The following KIF6 variants were observed in gnomAD, a reference collection of about 807,000 sequenced individuals.
KIF6 encodes kinesin-like protein KIF6.
In KIF6, 106 loss-of-function variants were observed where a neutral mutation model predicts 112.7. The observed-to-expected ratio is 0.94, with a 90% CI of 0.80 to 1.11. The LOEUF (loss-of-function observed/expected upper bound fraction) is 1.11, where lower values mean the gene tolerates loss of function less well. Among genes scored for constraint, KIF6 ranks in the 50% least tolerant of loss-of-function variants. The pLI, the probability that KIF6 is intolerant of heterozygous loss-of-function variation, is 0.00. For missense variants in KIF6, 929 were observed against 964.0 expected (o/e 0.96, Z 0.48); for synonymous variants, 339 against 339.9 (o/e 1.00, Z 0.03).
intron 13 of KIF6, among the ~76,000 whole-genome samples, chr6:39,483,633 C>T (rs1472799956): frequency 6.6e-6 from 1 of 152,160 alleles, no homozygotes; most frequent in Admixed American, 6.5e-5. Context: ...TGAAAGAGAT[C>T]TAAAGTTTGA....
intron 13 of KIF6, among the ~76,000 whole-genome samples, chr6:39,446,964 A>G (rs1772369126): frequency 6.6e-6 from 1 of 152,256 alleles, no homozygotes; most frequent in African/African-American, 2.4e-5. Context: ...ATAAAAAGTG[A>G]AAGTGTAAAA....
intron 5 of KIF6, among the ~76,000 whole-genome samples, chr6:39,621,184 C>T (rs1783794152): frequency 6.8e-6 from 1 of 147,176 alleles, no homozygotes; most frequent in Non-Finnish European, 1.5e-5. Flanking sequence ...TTTTAAATAA[C>T]ACCGTAAGAT....
At chr6:39,533,421 C>T (rs564017247) in intron 13 of KIF6, among the ~76,000 whole-genome samples, 110 of 152,288 alleles carry the variant, frequency 7.2e-4, no homozygotes, top group African/African-American at 2.5e-3. Flanking sequence ...AGCACAGCAG[C>T]CTGAGATCAA....
intron 22 of KIF6, among the ~76,000 whole-genome samples, chr6:39,337,201 TTC>T (rs1187044640): frequency 0.022 from 2,454 of 111,438 alleles, 230 homozygotes; most frequent in African/African-American, 0.11. Flanking sequence ...CTTTCTTTCT[TTC>T]TTTCTTTCTT....
chr6:39,618,868 G>A (rs889182759), intron 5 of KIF6, among the ~76,000 whole-genome samples: 3 of 152,038 alleles, frequency 2.0e-5, no homozygotes, highest in Non-Finnish European at 2.9e-5. Flanking sequence ...CCTTTGAGAC[G>A]GTCTACCTTT....
In KIF6 at chr6:39,621,196, G is replaced by GACACACACAC. The variant is rs55752326; in HGVS notation, c.510-7888_510-7879dup. 5.1e-3 allele frequency among the ~76,000 whole-genome samples: 695 copies of GACACACACAC among 135,990 alleles called. 1 individual carries two copies. The highest frequency in any genetic ancestry group is 0.017 in the African/African-American group (584 of 35,218). The allele number at this position is 135,990 out of a possible 152,430, so 89.2% of individuals were successfully genotyped here. On this transcript the variant is annotated intron_variant, in intron 5 of 22. Transcript: ENST00000287152. ...CTGTTTTAAATAACACCGTAAGATA[G>GACACACACAC]ACACACACACACACACACACACACA...
intron 15 of KIF6, among the ~76,000 whole-genome samples, chr6:39,389,292 C>A (rs1023668880): frequency 6.6e-6 from 1 of 152,080 alleles, no homozygotes; most frequent in Non-Finnish European, 1.5e-5. Context: ...AGATTATTCA[C>A]GTGAACGCTG....
intron 16 of KIF6, among the ~76,000 whole-genome samples, chr6:39,369,034 G>C (rs1028555675): frequency 2.0e-5 from 3 of 152,230 alleles, no homozygotes; most frequent in Non-Finnish European, 4.4e-5. Context: ...TTGGGGCTCA[G>C]CTGTCTCACA....
At chr6:39,685,655 GAGA>G (rs1787820065) in intron 3 of KIF6, among the ~76,000 whole-genome samples, 2 of 152,228 alleles carry the variant, frequency 1.3e-5, no homozygotes, top group Non-Finnish European at 2.9e-5. Context: ...CCCAGCCATA[GAGA>G]TAGAGTAGGT....
At chr6:39,452,007 A>C (rs1429565957) in intron 13 of KIF6, among the ~76,000 whole-genome samples, 1 of 152,188 alleles carries the variant, frequency 6.6e-6, no homozygotes, top group East Asian at 1.9e-4. Context: ...CGAGCCTGCA[A>C]TTCATGAGCC....
chr6:39,383,079 C>T (rs1342634352), intron 16 of KIF6, among the ~76,000 whole-genome samples: 2 of 151,852 alleles, frequency 1.3e-5, no homozygotes, highest in Non-Finnish European at 2.9e-5. Context: ...TCATTGGATG[C>T]ATAGTTTGCA....
At chr6:39,359,757 T>C (rs554762263) in intron 18 of KIF6, among the ~76,000 whole-genome samples, 4 of 152,258 alleles carry the variant, frequency 2.6e-5, no homozygotes, top group Non-Finnish European at 4.4e-5. Flanking sequence ...TTAGCCTGGC[T>C]AATTATTTTT....
chr6:39,401,326 A>T (rs1014716805), intron 15 of KIF6, among the ~76,000 whole-genome samples: 1 of 151,808 alleles, frequency 6.6e-6, no homozygotes, highest in Non-Finnish European at 1.5e-5. Flanking sequence ...AACACCCCAT[A>T]CCCCCTATCT....
rs192813194 is a variant in KIF6 at position 39,715,849 on chromosome 6, C to T, written c.177-1083G>A. ...ACTGTTTAGTGTGCCCAGATTGCTT[C>T]TCAAAACTCTATAGATGTATCACAG... On this transcript the variant is annotated intron_variant, in intron 2 of 22. Coordinates refer to ENST00000287152, the MANE Select transcript of KIF6 (RefSeq NM_145027.6). Among the ~76,000 whole-genome samples, 374 of 152,288 alleles carry T rather than the reference C, an allele frequency of 2.5e-3. 1 individual carries two copies. Among genetic ancestry groups the T allele is most frequent in the African/African-American group, 8.3e-3 (346 of 41,562 alleles).
intron 15 of KIF6, among the ~76,000 whole-genome samples, chr6:39,418,090 C>G (rs1167926402): frequency 6.6e-6 from 1 of 152,188 alleles, no homozygotes; most frequent in Non-Finnish European, 1.5e-5. Flanking sequence ...GCCTTCCCAC[C>G]TGAAGGAGAT....
At chr6:39,623,122 A>T (rs1433485717) in intron 5 of KIF6, among the ~76,000 whole-genome samples, 1 of 152,216 alleles carries the variant, frequency 6.6e-6, no homozygotes, top group African/African-American at 2.4e-5. Flanking sequence ...ATTGTATAGA[A>T]TATGATTCTG....
chr6:39,513,567 T>C (rs1172491001), intron 13 of KIF6, among the ~76,000 whole-genome samples: 1 of 152,194 alleles, frequency 6.6e-6, no homozygotes, highest in Admixed American at 6.5e-5. Context: ...CACGTTTCCA[T>C]CTAGTCTGGA....
intron 9 of KIF6, among the ~76,000 whole-genome samples, chr6:39,578,382 G>C (rs1781094789): frequency 6.8e-6 from 1 of 146,788 alleles, no homozygotes; most frequent in Admixed American, 6.9e-5. Flanking sequence ...ACCCAGGCTG[G>C]AGTGCAGTGG....
chr6:39,507,774 G>A (rs1335835100), intron 13 of KIF6, among the ~76,000 whole-genome samples: 1 of 146,802 alleles, frequency 6.8e-6, no homozygotes, highest in Non-Finnish European at 1.5e-5. Context: ...CGTAACCTGG[G>A]GGATGCCTAT....
Sources: allele counts gnomAD v4.1 joint callset (sites outside exome capture counted in the v4.1 genomes callset), GRCh38; gene constraint gnomAD v4.1.1; transcripts MANE v1.5; gene names NCBI Gene and HGNC (gene_info 2026-07-23, HGNC 2026-07-21).